GON4L: variants seen among roughly 807,000 people sequenced by gnomAD.
GON4L encodes GON-4-like protein.
Under a neutral mutation model 211.8 loss-of-function variants are expected in GON4L, and 87 were observed. That is an observed-to-expected ratio of 0.41 (90% confidence interval 0.35 to 0.49). The LOEUF is 0.49. Among genes scored for constraint, GON4L ranks in the 20% least tolerant of loss-of-function variants. GON4L has a pLI of 0.15. For synonymous variants in GON4L, 875 were observed against 962.6 expected, an observed-to-expected ratio of 0.91 and a Z score of 1.68; for missense variants, 2,155 against 2,659.5, an observed-to-expected ratio of 0.81 and a Z score of 4.17.
At chr1:155,841,611 A>G (rs559191347) in intron 2 of GON4L, among the ~76,000 whole-genome samples, 67 of 152,334 alleles carry the variant, frequency 4.4e-4, no homozygotes, top group African/African-American at 1.6e-3. Flanking sequence ...TTAATTGGCT[A>G]TAAGTCACTT....
intron 19 of GON4L, 27 bp downstream of exon 19, chr1:155,771,040 C>T (rs149453076): frequency 2.6e-5 from 42 of 1,614,016 alleles, no homozygotes; most frequent in Middle Eastern, 1.7e-4. Context: ...GTGAGGTGCC[C>T]GGATGGCGCA....
intron 2 of GON4L, among the ~76,000 whole-genome samples, chr1:155,831,004 AAAGT>A (rs1294314608): frequency 6.6e-6 from 1 of 152,184 alleles, no homozygotes; most frequent in Non-Finnish European, 1.5e-5. Context: ...GCTTGTTTAA[AAAGT>A]AATTTGTGGG....
At chr1:155,817,991 C>T (rs543551114) in intron 6 of GON4L, among the ~76,000 whole-genome samples, 5 of 151,504 alleles carry the variant, frequency 3.3e-5, no homozygotes, top group Admixed American at 6.6e-5. Flanking sequence ...TGCTCTCCTA[C>T]GTAAACTATA....
intron 2 of GON4L, among the ~76,000 whole-genome samples, chr1:155,848,544 T>G (rs1671464737): frequency 6.6e-6 from 1 of 152,228 alleles, no homozygotes; most frequent in African/African-American, 2.4e-5. Flanking sequence ...ACAGCATTTC[T>G]ACATGTTTGC....
At chr1:155,759,643 AAT>A (rs1661564460) in intron 24 of GON4L, among the ~76,000 whole-genome samples, 2 of 151,908 alleles carry the variant, frequency 1.3e-5, no homozygotes, top group African/African-American at 2.4e-5. Context: ...CAGAAGAGAA[AAT>A]GGGCATCACA....
At position 155,814,379 on chromosome 1, in the gene GON4L, T is replaced by C; in HGVS notation, c.1232A>G (p.Gln411Arg). 1 of 1,613,232 alleles carries C rather than the reference T, an allele frequency of 6.2e-7. No individual in the cohort carries two copies. The highest frequency in any genetic ancestry group is 8.5e-7 in the Non-Finnish European group (1 of 1,179,164). Residue 411 changes from glutamine to arginine, a missense_variant, in exon 9 of 32, where the codon CAG (glutamine) becomes CGG (arginine). Physicochemically the swap from Gln to Arg is conservative, Grantham distance 43 (BLOSUM62 1). Coordinates refer to ENST00000368331, the MANE Select transcript of GON4L (RefSeq NM_001282860.2). ...PRGAKKSRLR[Q>R]SSEMTETDEE... is the part of the protein sequence containing the mutation. ...ATCTGTTTCAGTCATCTCAGAAGACTGCCTCAATCTGGATTTCTTTGCCCC... is the reference window on the plus strand; with the variant it reads ...ATCTGTTTCAGTCATCTCAGAAGACCGCCTCAATCTGGATTTCTTTGCCCC...
chr1:155,783,241 A>G (rs947830651), intron 14 of GON4L, among the ~76,000 whole-genome samples: 5 of 152,288 alleles, frequency 3.3e-5, no homozygotes, highest in Admixed American at 6.5e-5. Context: ...CACTAAATTG[A>G]AAAATCTCTA....
chr1:155,813,725 G>A lies in GON4L; in HGVS notation c.1361C>T (p.Pro454Leu), dbSNP rs774609848. The A allele has an allele frequency of 6.2e-6, 10 of 1,613,614 alleles. No homozygotes were observed. The highest frequency in any genetic ancestry group is 4.5e-5 in the East Asian group (2 of 44,874). Residue 454 changes from proline to leucine, a missense_variant, in exon 10 of 32, where the codon CCG becomes CTG. Pro to Leu is a moderately conservative substitution (Grantham distance 98). This residue lies in a region of GON4L where 551 missense variants were observed against 854.0 expected (regional missense o/e 0.65). Coordinates refer to ENST00000368331, the MANE Select transcript of GON4L (RefSeq NM_001282860.2). ...GAAAGTACTATCTCTGGTCTGTTTC[G>A]GCTTTGGAGGGGGCGGGGGCCCCAT... ...VPMGPPPPPK[P>L]KQTRDSTFME...
At chr1:155,819,626 G>A (rs755884441) in intron 6 of GON4L, among the ~76,000 whole-genome samples, 1 of 151,954 alleles carries the variant, frequency 6.6e-6, no homozygotes, top group Non-Finnish European at 1.5e-5. Flanking sequence ...ACATATTTTC[G>A]GTCTGTAAGG....
chr1:155,828,861 A>C (rs868648851), intron 2 of GON4L, among the ~76,000 whole-genome samples: 13 of 152,188 alleles, frequency 8.5e-5, no homozygotes, highest in African/African-American at 2.6e-4. Flanking sequence ...TATCAAGGAA[A>C]TAGCTTGCAT....
chr1:155,826,757 T>C (rs1259383888), intron 3 of GON4L, 80 bp downstream of exon 3: 18 of 921,400 alleles, frequency 2.0e-5, no homozygotes, highest in South Asian at 1.4e-4. Flanking sequence ...ATTCAGGATA[T>C]CTTAGGACAT....
chr1:155,782,209 G>C (rs982373365), intron 14 of GON4L, among the ~76,000 whole-genome samples: 1 of 152,118 alleles, frequency 6.6e-6, no homozygotes, highest in African/African-American at 2.4e-5. Context: ...ACAGAATCCA[G>C]GATGCTTTAT....
chr1:155,753,524 A>C, intron 28 of GON4L, 110 bp from the exon 29 acceptor site: 1 of 755,824 alleles, frequency 1.3e-6, no homozygotes, highest in Non-Finnish European at 2.3e-6. Context: ...ACCCACATGC[A>C]TGTCTGCTCC....
Position 155,853,535 on chromosome 1 carries a change from C to T in GON4L, c.246G>A (p.Met82Ile), listed in dbSNP as rs745533158. The T allele has an allele frequency of 2.5e-6, 4 of 1,614,066 alleles. No homozygotes were observed. In the Admixed American group the frequency reaches 5.0e-5, roughly 20 times the overall value. ...GMEDTSLSSGMLTQNTNVPIL... is the reference protein window; with the variant it reads ...GMEDTSLSSGILTQNTNVPIL... ...TTGGTACATTTGTGTTCTGGGTGAG[C>T]ATTCCAGAGCTCAGAGATGTATCCT... Residue 82 changes from methionine to isoleucine, a missense_variant, in exon 2 of 32, where the codon ATG becomes ATA. By Grantham distance (10) the Met-to-Ile change is conservative. Around this residue, in one of 6 missense-constraint regions of GON4L, gnomAD observed 313 missense variants for 293.2 expected, o/e 1.07. Transcript: ENST00000368331.
At chr1:155,745,669 G>C (rs1354372565), downstream of GON4L, among the ~76,000 whole-genome samples, 2 of 152,228 alleles carry the variant, frequency 1.3e-5, no homozygotes, top group Non-Finnish European at 2.9e-5. Flanking sequence ...TCTAGGAAGA[G>C]GTAGGAAAGG....
intron 13 of GON4L, chr1:155,784,688 T>C (rs559046767): frequency 6.0e-6 from 1 of 167,688 alleles, no homozygotes; most frequent in South Asian, 1.5e-4. Flanking sequence ...AGCCTCAAAA[T>C]GATCAATCTC....
At chr1:155,814,747 A>AAAAT (rs139861277) in intron 8 of GON4L, among the ~76,000 whole-genome samples, 128,601 of 149,342 alleles carry the variant, frequency 0.86, 56,918 homozygotes, top group East Asian at 1. Context: ...CTCTGTCTCA[A>AAAAT]AAATAAATAA....
chr1:155,857,384 A>G (rs1011636610), upstream of GON4L: 1 of 152,288 alleles, frequency 6.6e-6, no homozygotes, highest in African/African-American at 2.4e-5. Context: ...TTCTCTGCCC[A>G]TGGAGTTATC....
chr1:155,799,392 C>T (rs1666412825), intron 11 of GON4L, among the ~76,000 whole-genome samples: 1 of 152,202 alleles, frequency 6.6e-6, no homozygotes, highest in Admixed American at 6.6e-5. Context: ...CAAGATCACA[C>T]CATTGTACTC....
Sources: allele counts gnomAD v4.1 joint callset (sites outside exome capture counted in the v4.1 genomes callset), GRCh38; gene constraint gnomAD v4.1.1; regional missense constraint gnomAD v4.1.1; transcripts MANE v1.5; gene names NCBI Gene and HGNC (gene_info 2026-07-23, HGNC 2026-07-21).